Variants in IL15RA observed in about 807,000 individuals in gnomAD.
IL15RA encodes interleukin-15 receptor subunit alpha.
IL15RA carries 26 observed loss-of-function variants against 24.2 expected under a neutral mutation model. That is an observed-to-expected ratio of 1.07 (90% CI 0.79 to 1.49). The LOEUF (loss-of-function observed/expected upper bound fraction) is 1.49. Ranked by LOEUF, IL15RA falls within the 40% of genes most tolerant of loss-of-function variation. The pLI is 0.00. For synonymous variants in IL15RA, 166 were observed against 157.6 expected (o/e 1.05, Z -0.40); for missense variants, 354 against 356.4 (o/e 0.99, Z 0.05).
At position 5,959,364 on chromosome 10, in the gene IL15RA, G is replaced by T. The variant is rs149329529; in HGVS notation, c.616+390C>A. On this transcript the variant is annotated intron_variant, in intron 5 of 6. Coordinates refer to ENST00000379977, the MANE Select transcript of IL15RA (RefSeq NM_002189.4). The surrounding 1 kb of genome is among the most constrained non-coding windows in gnomAD (Gnocchi z 4.1). The stretch of plus-strand genomic sequence containing the variant: ...TTCTCTGTTAAGTGCACGGTGCCAC[G>T]CCCTGGAGAGGAATTGGCAGCTTCT... 6.6e-6 allele frequency among the ~76,000 whole-genome samples: 1 copy of T among 152,140 alleles called. No homozygotes were observed. Among genetic ancestry groups the T allele is most frequent in the Non-Finnish European group, 1.5e-5 (1 of 67,994 alleles).
At chr10:5,972,205 C>G (rs1462745916) in intron 1 of IL15RA, among the ~76,000 whole-genome samples, 1 of 152,168 alleles carries the variant, frequency 6.6e-6, no homozygotes, top group Admixed American at 6.5e-5. Context: ...TGCACAGAAA[C>G]CCTCAGGGAC....
In IL15RA at chr10:5,962,865, C is replaced by T. The variant is rs1480217286; in HGVS notation, c.382+878G>A. Among the ~76,000 whole-genome samples the T allele has an allele frequency of 6.6e-6, 1 of 152,168 alleles. No homozygotes were observed. Among genetic ancestry groups the T allele is most frequent in the Non-Finnish European group, 1.5e-5 (1 of 68,040 alleles). On this transcript the variant is annotated intron_variant, in intron 3 of 6. Coordinates refer to ENST00000379977, the MANE Select transcript of IL15RA (RefSeq NM_002189.4). This position sits in a 1 kb window ranked among gnomAD's most constrained non-coding sequence, Gnocchi z 5.2. ...TGTAGCACAAAGGTATCATAGCATG[C>T]AGGGCGGAGGATCCCAAGAAAGCAT... is the stretch of plus-strand genomic sequence containing the variant.
At position 5,960,864 on chromosome 10, in the gene IL15RA, T is replaced by G. The variant is rs1835391803; in HGVS notation, c.383-297A>C. 6.6e-6 allele frequency among the ~76,000 whole-genome samples: 1 copy of G among 152,268 alleles called. No homozygotes were observed. Among genetic ancestry groups the G allele is most frequent in the Admixed American group, 6.5e-5 (1 of 15,298 alleles). On this transcript the variant is annotated intron_variant, in intron 3 of 6. Transcript: ENST00000379977. The surrounding 1 kb of genome is among the most constrained non-coding windows in gnomAD (Gnocchi z 5.1). ...TGGGAGGCTGAGGTGTGAGGATCAC[T>G]TGAGCCCAGGAGTTTAAGACCAGCC... is the stretch of plus-strand genomic sequence containing the variant.
rs1836330938 is a variant in IL15RA, at chr10:5,965,354, G to A, written c.283+791C>T. On this transcript the variant is annotated intron_variant, in intron 2 of 6. Coordinates refer to ENST00000379977, the MANE Select transcript of IL15RA (RefSeq NM_002189.4). The surrounding 1 kb of genome is among the most constrained non-coding windows in gnomAD (Gnocchi z 5.8). Reference sequence around the variant, plus strand: ...CCCGGGGCTGGGTACTGAGAGAGGAGCAGTGATGGCTTCCAACATCCACCT... The same window carrying A: ...CCCGGGGCTGGGTACTGAGAGAGGAACAGTGATGGCTTCCAACATCCACCT... Among the ~76,000 whole-genome samples, 2 of 152,284 alleles carry A rather than the reference G, an allele frequency of 1.3e-5. No homozygotes were observed. Among genetic ancestry groups the A allele is most frequent in the Non-Finnish European group, 2.9e-5 (2 of 68,048 alleles).
Position 5,966,294 on chromosome 10 carries a change from C to T in IL15RA, c.134G>A (p.Trp45Ter), listed in dbSNP as rs914011701. 1.9e-6 allele frequency: 3 copies of T among 1,613,480 alleles called. No individual in the cohort carries two copies. The highest frequency in any genetic ancestry group is 1.7e-6 in the Non-Finnish European group (2 of 1,179,536). Residue 45 changes from tryptophan to a stop codon, truncating the protein, a stop_gained, in exon 2 of 7, where the codon TGG becomes TAG. Transcript: ENST00000379977. LOFTEE classifies it high-confidence loss of function. The surrounding 1 kb of genome is among the most constrained non-coding windows in gnomAD (Gnocchi z 6.4). ...GGAGTACAAGCTGTAGCTCTTGACC[C>T]AGATGTCTGCGTGTTCCACGGACAT... ...PPMSVEHADI[W>*]VKSYSLYSRE...
intron 1 of IL15RA, chr10:5,977,100 G>T: frequency 7.2e-6 from 2 of 277,484 alleles, no homozygotes; most frequent in East Asian, 1.2e-4. Flanking sequence ...CGCTCCCGTG[G>T]CCAAAACGGG....
chr10:5,971,052 A>G lies in IL15RA; in HGVS notation c.89-4713T>C, dbSNP rs1564517337. On this transcript the variant is annotated intron_variant, in intron 1 of 6. Coordinates refer to ENST00000379977, the MANE Select transcript of IL15RA (RefSeq NM_002189.4). This position sits in a 1 kb window ranked among gnomAD's most constrained non-coding sequence, Gnocchi z 5.5. ...CAATAACTTCATTTCCACATGCCTT[A>G]ATCACATCTTTAGATACTTGAATTA... Among the ~76,000 whole-genome samples the G allele has an allele frequency of 6.6e-6, 1 of 152,184 alleles. No individual in the cohort carries two copies. Among genetic ancestry groups the G allele is most frequent in the East Asian group, 1.9e-4 (1 of 5,198 alleles).
rs989028519 is a variant in IL15RA, at chr10:5,964,824, A to G, written c.284-983T>C. 1.3e-5 allele frequency among the ~76,000 whole-genome samples: 2 copies of G among 152,142 alleles called. No homozygotes were observed. Among genetic ancestry groups the G allele is most frequent in the Non-Finnish European group, 2.9e-5 (2 of 68,026 alleles). On this transcript the variant is annotated intron_variant, in intron 2 of 6. Coordinates refer to ENST00000379977, the MANE Select transcript of IL15RA (RefSeq NM_002189.4). This position sits in a 1 kb window ranked among gnomAD's most constrained non-coding sequence, Gnocchi z 5.6. ...GTAAGACCCACCGTGGTTCCCACAG[A>G]TCCTGCTCACCCCGCCACGCTCAGC...
rs1042733842 is a variant in IL15RA, at chr10:5,970,349, A to G, written c.89-4010T>C. On this transcript the variant is annotated intron_variant, in intron 1 of 6. Transcript: ENST00000379977. This position sits in a 1 kb window ranked among gnomAD's most constrained non-coding sequence, Gnocchi z 4.1. ...TTTGCTTTGACATATGTTATACCCC[A>G]TGACACATTGTTATTATTTTGCTTT... Among the ~76,000 whole-genome samples, 3 of 152,202 alleles carry G rather than the reference A, an allele frequency of 2.0e-5. No individual in the cohort carries two copies. Among genetic ancestry groups the G allele is most frequent in the Non-Finnish European group, 4.4e-5 (3 of 68,032 alleles).
chr10:5,958,310 G>A lies in IL15RA; in HGVS notation c.616+1444C>T. ...ATATGTTTATTTATACAGTCTCTCTGGAAGGATGCCTGGAAATCTGGTAGC... is the reference window on the plus strand; with the variant it reads ...ATATGTTTATTTATACAGTCTCTCTAGAAGGATGCCTGGAAATCTGGTAGC... On this transcript the variant is annotated intron_variant, in intron 5 of 6. Transcript: ENST00000379977. The surrounding 1 kb of genome is among the most constrained non-coding windows in gnomAD (Gnocchi z 4.3). 2.2e-6 allele frequency: 1 copy of A among 453,676 alleles called. No individual in the cohort carries two copies. The highest frequency in any genetic ancestry group is 2.4e-5 in the Admixed American group (1 of 42,196). 28.1% of individuals were successfully genotyped at this position (453,676 alleles called of 1,614,324 possible).
At position 5,964,718 on chromosome 10, in the gene IL15RA, G is replaced by C. The variant is rs1161645911; in HGVS notation, c.284-877C>G. ...TGCCCAAAGGACATGGAGTGTCGAGGAGACCTGACTTGCCCTGCAGTGAGA... is the reference window on the plus strand; with the variant it reads ...TGCCCAAAGGACATGGAGTGTCGAGCAGACCTGACTTGCCCTGCAGTGAGA... On this transcript the variant is annotated intron_variant, in intron 2 of 6. Coordinates refer to ENST00000379977, the MANE Select transcript of IL15RA (RefSeq NM_002189.4). This position sits in a 1 kb window ranked among gnomAD's most constrained non-coding sequence, Gnocchi z 5.6. 6.6e-6 allele frequency among the ~76,000 whole-genome samples: 1 copy of C among 152,206 alleles called. No homozygotes were observed. The highest frequency in any genetic ancestry group is 1.5e-5 in the Non-Finnish European group (1 of 68,042).
chr10:5,963,793 G>T lies in IL15RA; in HGVS notation c.332C>A (p.Thr111Lys). 3 of 1,535,800 alleles carry T rather than the reference G, an allele frequency of 2.0e-6. No individual in the cohort carries two copies. Among genetic ancestry groups the T allele is most frequent in the Non-Finnish European group, 2.6e-6 (3 of 1,153,134 alleles). Residue 111 changes from threonine to lysine, a missense_variant, in exon 3 of 7, where the codon ACG becomes AAG. Physicochemically the swap from Thr to Lys is moderately conservative, Grantham distance 78. Transcript: ENST00000379977. The surrounding 1 kb of genome is among the most constrained non-coding windows in gnomAD (Gnocchi z 5.3). ...TGGCTGTGGGGTCACCCCTGCCGTC[G>T]TTACTGTGGAGGGTGGCGCTGGCCT... The part of the protein sequence containing the change: ...HQRPAPPSTV[T>K]TAGVTPQPES...
Position 5,967,027 on chromosome 10 carries a change from G to A in IL15RA, c.89-688C>T, listed in dbSNP as rs2132541217. On this transcript the variant is annotated intron_variant, in intron 1 of 6. Coordinates refer to ENST00000379977, the MANE Select transcript of IL15RA (RefSeq NM_002189.4). The surrounding 1 kb of genome is among the most constrained non-coding windows in gnomAD (Gnocchi z 4.4). ...GCCTCCCAAAGTGCTGGGATTACAG[G>A]TGTGAGCCACCATGCCAGGCCCTGA... 6.6e-6 allele frequency among the ~76,000 whole-genome samples: 1 copy of A among 152,212 alleles called. No individual in the cohort carries two copies. The highest frequency in any genetic ancestry group is 2.4e-5 in the African/African-American group (1 of 41,538).
In IL15RA at chr10:5,973,519, G is replaced by T. The variant is rs1324373978; in HGVS notation, c.88+3886C>A. Among the ~76,000 whole-genome samples the T allele has an allele frequency of 6.6e-6, 1 of 152,150 alleles. No individual in the cohort carries two copies. The highest frequency in any genetic ancestry group is 2.4e-5 in the African/African-American group (1 of 41,424). On this transcript the variant is annotated intron_variant, in intron 1 of 6. Transcript: ENST00000379977. The surrounding 1 kb of genome is among the most constrained non-coding windows in gnomAD (Gnocchi z 4.5). Reference sequence around the variant, plus strand: ...ACTGCAACCAACTTAGACACATATGGCTGACTGATGTTCAAAAGGTATAAG... The same window carrying T: ...ACTGCAACCAACTTAGACACATATGTCTGACTGATGTTCAAAAGGTATAAG...
chr10:5,951,698 C>G (rs2132222955), downstream of IL15RA, among the ~76,000 whole-genome samples: 1 of 152,244 alleles, frequency 6.6e-6, no homozygotes, highest in African/African-American at 2.4e-5. Context: ...TGTGGCGGCA[C>G]ATGCCTGTAG....
chr10:5,969,144 A>G (rs993727132), intron 1 of IL15RA, among the ~76,000 whole-genome samples: 1 of 152,130 alleles, frequency 6.6e-6, no homozygotes, highest in African/African-American at 2.4e-5. Context: ...TCTTAAAGTC[A>G]GGTAGTATAA....
chr10:5,976,404 A>AC (rs1398146110), intron 1 of IL15RA, among the ~76,000 whole-genome samples: 5 of 152,202 alleles, frequency 3.3e-5, no homozygotes, highest in African/African-American at 1.2e-4. Flanking sequence ...CTCGCTTAAA[A>AC]ACACACACAG....
At chr10:5,950,080 A>G (rs1244581267), downstream of IL15RA, among the ~76,000 whole-genome samples, 1 of 145,120 alleles carries the variant, frequency 6.9e-6, no homozygotes, top group Admixed American at 6.9e-5. The surrounding 1 kb of genome is among the most constrained non-coding windows in gnomAD (Gnocchi z 5.6). Flanking sequence ...TGGACAGCAG[A>G]GCAAGACTCT....
At chr10:5,954,694 T>A (rs1834289173) in intron 6 of IL15RA, among the ~76,000 whole-genome samples, 2 of 152,200 alleles carry the variant, frequency 1.3e-5, no homozygotes, top group African/African-American at 2.4e-5. Context: ...TAAGAATATA[T>A]TTTAATGTAT....
Sources: allele counts gnomAD v4.1 joint callset (sites outside exome capture counted in the v4.1 genomes callset), GRCh38; gene constraint gnomAD v4.1.1; non-coding constraint Gnocchi (gnomAD v3.1); transcripts MANE v1.5; gene names NCBI Gene and HGNC (gene_info 2026-07-23, HGNC 2026-07-21).